NTRK3: variants seen among roughly 807,000 people sequenced by gnomAD.
NTRK3 encodes the protein neurotrophic receptor tyrosine kinase 3.
In NTRK3, 24 loss-of-function variants were observed where a neutral mutation model predicts 91.7. The observed-to-expected ratio is 0.26, with a 90% confidence interval of 0.19 to 0.37. The LOEUF is 0.37. Among genes scored for constraint, NTRK3 ranks in the 10% least tolerant of loss-of-function variants. The pLI is 1.00. For missense variants in NTRK3, 880 were observed against 1,068.9 expected (o/e 0.82, Z 2.46); for synonymous variants, 483 against 404.0 (o/e 1.20, Z -2.34).
chr15:88,006,718 A>G (rs1329342388), intron 14 of NTRK3, among the ~76,000 whole-genome samples: 1 of 152,208 alleles, frequency 6.6e-6, no homozygotes, highest in Non-Finnish European at 1.5e-5. Context: ...GGTTTGTGGG[A>G]AAGCACACAG....
chr15:87,966,110 A>G (rs1247391303), intron 14 of NTRK3, among the ~76,000 whole-genome samples: 1 of 150,190 alleles, frequency 6.7e-6, no homozygotes, highest in African/African-American at 2.5e-5. Context: ...AAACAAACAA[A>G]AAACTCCACT....
chr15:88,214,589 A>T (rs1177613404), intron 3 of NTRK3, among the ~76,000 whole-genome samples: 1 of 151,636 alleles, frequency 6.6e-6, no homozygotes, highest in Admixed American at 6.6e-5. Context: ...TGGAACAGCC[A>T]CTGGGCTGTA....
intron 5 of NTRK3, among the ~76,000 whole-genome samples, chr15:88,155,158 T>C (rs149823182): frequency 1.4e-4 from 22 of 152,310 alleles, no homozygotes; most frequent in African/African-American, 3.9e-4. Context: ...CATATAGACC[T>C]TGAGATCAGG....
chr15:88,114,432 A>G lies in NTRK3; in HGVS notation c.1396+11839T>C, dbSNP rs572355614. Among the ~76,000 whole-genome samples the G allele has an allele frequency of 8.7e-4, 132 of 152,370 alleles. 1 individual carries two copies. Among genetic ancestry groups the G allele is most frequent in the Non-Finnish European group, 1.6e-3 (111 of 68,038 alleles). On this transcript the variant is annotated intron_variant, in intron 13 of 18. Transcript: ENST00000394480. The stretch of plus-strand genomic sequence containing the variant: ...TCTCTTTATTTTACAACAACAAAAA[A>G]AAATGGCATTAGAGAAACTGCTTGG...
intron 13 of NTRK3, chr15:88,098,641 G>C (rs1205360347): frequency 4.3e-6 from 1 of 230,982 alleles, no homozygotes; most frequent in Non-Finnish European, 8.6e-6. Flanking sequence ...TAGAGAACGT[G>C]TTAACATCTT....
intron 3 of NTRK3, among the ~76,000 whole-genome samples, chr15:88,215,852 T>C (rs1158978600): frequency 1.3e-5 from 2 of 152,178 alleles, no homozygotes; most frequent in African/African-American, 4.8e-5. Context: ...CAAACATGAA[T>C]GCAAAGATTT....
At chr15:88,116,249 C>T (rs953297111) in intron 13 of NTRK3, among the ~76,000 whole-genome samples, 1 of 152,076 alleles carries the variant, frequency 6.6e-6, no homozygotes, top group Admixed American at 6.5e-5. Flanking sequence ...AGAAGAGAGG[C>T]ATATTTACCC....
chr15:88,115,820 G>A (rs1326032417), intron 13 of NTRK3, among the ~76,000 whole-genome samples: 3 of 152,128 alleles, frequency 2.0e-5, no homozygotes, highest in African/African-American at 7.2e-5. Flanking sequence ...GAGGCCGGCG[G>A]GCAGCCCGGG....
At chr15:88,049,174 C>A (rs2080555916) in intron 13 of NTRK3, among the ~76,000 whole-genome samples, 2 of 152,172 alleles carry the variant, frequency 1.3e-5, no homozygotes, top group South Asian at 4.1e-4. Context: ...GTCTTGTCTC[C>A]TGCTCAAATG....
At position 88,093,152 on chromosome 15, in the gene NTRK3, C is replaced by T. The variant is rs557776656; in HGVS notation, c.1396+33119G>A. Among the ~76,000 whole-genome samples the T allele has an allele frequency of 2.7e-3, 411 of 149,526 alleles. 1 individual carries two copies. Among genetic ancestry groups the T allele is most frequent in the African/African-American group, 9.5e-3 (386 of 40,612 alleles). On this transcript the variant is annotated intron_variant, in intron 13 of 18. Transcript: ENST00000394480. Reference sequence around the variant, plus strand: ...AAACCAAGTGTCATTTTTACCTCAACGTAAACATGAATTTTTTTCCCTTAA... The same window carrying T: ...AAACCAAGTGTCATTTTTACCTCAATGTAAACATGAATTTTTTTCCCTTAA...
intron 6 of NTRK3, among the ~76,000 whole-genome samples, chr15:88,142,978 G>A (rs2042534783): frequency 6.6e-6 from 1 of 152,034 alleles, no homozygotes; most frequent in Non-Finnish European, 1.5e-5. Flanking sequence ...ATTTTGGGGG[G>A]CCAAGGCGGG....
At chr15:88,155,710 G>C (rs536237701) in intron 5 of NTRK3, among the ~76,000 whole-genome samples, 19 of 152,232 alleles carry the variant, frequency 1.2e-4, no homozygotes, top group African/African-American at 3.9e-4. Flanking sequence ...TTTTCTGTTA[G>C]TCACATGTTA....
At chr15:87,909,028 C>T (rs916619077) in intron 17 of NTRK3, among the ~76,000 whole-genome samples, 3 of 152,126 alleles carry the variant, frequency 2.0e-5, no homozygotes, top group African/African-American at 7.2e-5. Flanking sequence ...TCCAAAGCTT[C>T]TGAGAGAATT....
In NTRK3 at chr15:88,172,985, C is replaced by A. The variant is rs117960830; in HGVS notation, c.395+10433G>T. Among the ~76,000 whole-genome samples the A allele has an allele frequency of 7.3e-3, 1,110 of 152,234 alleles. 2 individuals are homozygous for A. The highest frequency in any genetic ancestry group is 0.012 in the Non-Finnish European group (846 of 68,022). ...GGGAATTTACTTTCTTTGGAGGCAGCAGATATGAGAGTAGAAACTAAGAAA... is the reference window on the plus strand; with the variant it reads ...GGGAATTTACTTTCTTTGGAGGCAGAAGATATGAGAGTAGAAACTAAGAAA... On this transcript the variant is annotated intron_variant, in intron 5 of 18. Transcript: ENST00000394480.
chr15:88,065,688 T>C (rs1183402603), intron 13 of NTRK3, among the ~76,000 whole-genome samples: 2 of 152,208 alleles, frequency 1.3e-5, no homozygotes, highest in Non-Finnish European at 2.9e-5. Flanking sequence ...GAAAAGTTCT[T>C]TGGAACTGTT....
intron 13 of NTRK3, among the ~76,000 whole-genome samples, chr15:88,034,411 G>T (rs568681584): frequency 6.6e-6 from 1 of 152,172 alleles, no homozygotes; most frequent in Non-Finnish European, 1.5e-5. Context: ...GATAATTAAC[G>T]CTGCAGTCTT....
intron 13 of NTRK3, among the ~76,000 whole-genome samples, chr15:88,110,493 G>A (rs963006964): frequency 4.6e-5 from 7 of 152,208 alleles, no homozygotes; most frequent in African/African-American, 1.7e-4. Context: ...GGTGGTCAGA[G>A]GAGGAGCTCC....
At chr15:88,123,818 T>C (rs750710428) in intron 13 of NTRK3, among the ~76,000 whole-genome samples, 6 of 152,248 alleles carry the variant, frequency 3.9e-5, no homozygotes, top group Admixed American at 1.3e-4. Context: ...TAAGAGGTTA[T>C]GGAGACCAAG....
exon 19 of NTRK3, chr15:87,865,481 A>T (rs2064643476): frequency 4.7e-6 from 1 of 214,796 alleles, no homozygotes; most frequent in East Asian, 6.9e-5. Flanking sequence ...ACTTGGGCCT[A>T]TTAAAGGTGT....
Sources: gnomAD v4.1 joint callset for allele counts (sites outside exome capture counted in the v4.1 genomes callset) on GRCh38, gnomAD v4.1.1 for gene constraint, MANE v1.5 for transcripts, NCBI Gene and HGNC (gene_info 2026-07-23, HGNC 2026-07-21) for gene names.